MAPT: variants seen among roughly 807,000 people sequenced by gnomAD.
MAPT encodes the protein microtubule associated protein tau.
In MAPT, 34 loss-of-function variants were observed where a neutral mutation model predicts 67.9. The observed-to-expected ratio is 0.50, with a 90% CI of 0.38 to 0.67. The LOEUF (loss-of-function observed/expected upper bound fraction) is 0.67. Among genes scored for constraint, MAPT ranks in the 30% least tolerant of loss-of-function variants. The pLI is 0.00. For missense variants in MAPT, 881 were observed against 1,115.2 expected (o/e 0.79, Z 2.99); for synonymous variants, 456 against 464.5 (o/e 0.98, Z 0.23).
At chr17:45,963,667 G>A (rs2145330234) in intron 2 of MAPT, among the ~76,000 whole-genome samples, 1 of 152,298 alleles carries the variant, frequency 6.6e-6, no homozygotes, top group South Asian at 2.1e-4. Context: ...TATGGGTAGT[G>A]CATGGAAGCC....
At chr17:45,904,016 T>C (rs1490367141) in intron 1 of MAPT, among the ~76,000 whole-genome samples, 2 of 27,686 alleles carry the variant, frequency 7.2e-5, no homozygotes, top group Admixed American at 7.5e-4. Flanking sequence ...ATATATATTA[T>C]ATATTATATA....
At chr17:45,989,645 C>T (rs573313960) in intron 6 of MAPT, among the ~76,000 whole-genome samples, 142 of 152,062 alleles carry the variant, frequency 9.3e-4, no homozygotes, top group African/African-American at 3.2e-3. Context: ...AGCGAGACTC[C>T]GTCTCAAAAA....
intron 11 of MAPT, among the ~76,000 whole-genome samples, chr17:46,016,467 ACT>A (rs1424187280): frequency 6.6e-6 from 1 of 151,830 alleles, no homozygotes; most frequent in African/African-American, 2.4e-5. Context: ...CCCACCTCAC[ACT>A]GTGTAGAAAT....
intron 9 of MAPT, among the ~76,000 whole-genome samples, chr17:46,007,870 C>A (rs1231514112): frequency 1.3e-5 from 2 of 152,082 alleles, no homozygotes; most frequent in Non-Finnish European, 2.9e-5. Flanking sequence ...GGAAAAAGCT[C>A]CTTTCAGAAA....
intron 1 of MAPT, among the ~76,000 whole-genome samples, chr17:45,929,076 C>T (rs2144643345): frequency 6.7e-6 from 1 of 149,072 alleles, no homozygotes; most frequent in South Asian, 2.1e-4. Context: ...CCTTGTGCTT[C>T]ACATTTAAAA....
At chr17:46,021,002 G>C (rs2146187855) in intron 12 of MAPT, among the ~76,000 whole-genome samples, 1 of 152,340 alleles carries the variant, frequency 6.6e-6, no homozygotes, top group Non-Finnish European at 1.5e-5. Context: ...GCAGCTGAGA[G>C]ACCCCTGCCC....
chr17:45,990,352 A>G (rs1598300907), intron 7 of MAPT, among the ~76,000 whole-genome samples: 1 of 152,168 alleles, frequency 6.6e-6, no homozygotes, highest in South Asian at 2.1e-4. Context: ...GGTGGCTCAC[A>G]CCTGTAATCC....
intron 9 of MAPT, among the ~76,000 whole-genome samples, chr17:45,997,083 G>A (rs145759818): frequency 6.8e-4 from 104 of 152,328 alleles, no homozygotes; most frequent in African/African-American, 2.2e-3. Context: ...ATCTCCACTC[G>A]TGGGCCATCT....
chr17:45,940,865 T>G (rs1361488721), intron 1 of MAPT, among the ~76,000 whole-genome samples: 1 of 152,156 alleles, frequency 6.6e-6, no homozygotes, highest in Non-Finnish European at 1.5e-5. Flanking sequence ...CCACTTTAGG[T>G]GCTATCAAGG....
intron 9 of MAPT, chr17:45,999,815 C>T: frequency 2.9e-6 from 2 of 678,408 alleles, no homozygotes; most frequent in East Asian, 2.8e-5. Context: ...TGGCAGAGGA[C>T]ACAGTCACAG....
At position 45,942,888 on chromosome 17, in the gene MAPT, C is replaced by T. The variant is rs1360907369; in HGVS notation, c.-17-19433C>T. Among the ~76,000 whole-genome samples, 7 of 152,292 alleles carry T rather than the reference C, an allele frequency of 4.6e-5. No individual in the cohort carries two copies. The South Asian group carries it at 8.3e-4, about 18-fold the overall frequency. ...GAGGTTGAGTGACTTGCCCCAAAGT[C>T]GCACAGCTCCTAAGTGAAGGATTCG... On this transcript the variant is annotated intron_variant, in intron 1 of 12. Coordinates refer to ENST00000262410, the MANE Select transcript of MAPT (RefSeq NM_001377265.1).
rs923198772 is a variant in MAPT, at chr17:45,996,786, C to T, written c.1998+122C>T. On this transcript the variant is annotated intron_variant, in intron 9 of 12. Coordinates refer to ENST00000262410, the MANE Select transcript of MAPT (RefSeq NM_001377265.1). The surrounding 1 kb of genome is among the most constrained non-coding windows in gnomAD (Gnocchi z 4.5). ...TTGAGCGTGGAGTCGTGGGACTGTGCATGGAGGTGTGGGGCTCCCCGCACC... is the reference window on the plus strand; with the variant it reads ...TTGAGCGTGGAGTCGTGGGACTGTGTATGGAGGTGTGGGGCTCCCCGCACC... 1.2e-4 allele frequency: 160 copies of T among 1,381,846 alleles called. No homozygotes were observed. The highest frequency in any genetic ancestry group is 1.5e-4 in the Non-Finnish European group (153 of 1,022,274). 85.6% of individuals were successfully genotyped at this position (1,381,846 alleles called of 1,614,324 possible). A position where few individuals can be genotyped will look rare whatever the true frequency, so the allele number is the denominator to read the frequency against.
chr17:45,950,463 C>G (rs945876963), intron 1 of MAPT, among the ~76,000 whole-genome samples: 2 of 147,040 alleles, frequency 1.4e-5, no homozygotes, highest in Non-Finnish European at 1.6e-5. Flanking sequence ...CCTAGGGGTT[C>G]TTGGAGGCCC....
rs1598211473 is a variant in MAPT at position 45,971,452 on chromosome 17, G to T, written c.134-407G>T. On this transcript the variant is annotated intron_variant, in intron 2 of 12. Coordinates refer to ENST00000262410, the MANE Select transcript of MAPT (RefSeq NM_001377265.1). The surrounding 1 kb of genome is among the most constrained non-coding windows in gnomAD (Gnocchi z 4.3). Reference sequence around the variant, plus strand: ...TCCAAGGAAGGGGTTGGATCGCTGAGTGTTTTTCCAGGTGTCTACTTGTTG... The same window carrying T: ...TCCAAGGAAGGGGTTGGATCGCTGATTGTTTTTCCAGGTGTCTACTTGTTG... Among the ~76,000 whole-genome samples, 3 of 152,324 alleles carry T rather than the reference G, an allele frequency of 2.0e-5. No individual in the cohort carries two copies. In the South Asian group the frequency reaches 6.2e-4, roughly 32 times the overall value.
intron 1 of MAPT, among the ~76,000 whole-genome samples, chr17:45,942,656 G>A (rs1347899758): frequency 6.6e-6 from 1 of 152,210 alleles, no homozygotes; most frequent in African/African-American, 2.4e-5. Context: ...CCAGGATCCA[G>A]AATGGGGTGG....
At chr17:46,015,239 A>G (rs1280672766) in intron 11 of MAPT, among the ~76,000 whole-genome samples, 1 of 152,036 alleles carries the variant, frequency 6.6e-6, no homozygotes, top group Non-Finnish European at 1.5e-5. Context: ...GGGCGCCTGT[A>G]ATCCCAGCTA....
intron 1 of MAPT, among the ~76,000 whole-genome samples, chr17:45,941,134 G>C (rs1467932740): frequency 6.6e-6 from 1 of 152,220 alleles, no homozygotes; most frequent in African/African-American, 2.4e-5. Context: ...CTGCAGGCCA[G>C]CTGGGAGGCC....
At chr17:45,946,615 A>AAAAAAAAAAAAAATATATATATATAT in intron 1 of MAPT, among the ~76,000 whole-genome samples, 1 of 100,394 alleles carries the variant, frequency 1.0e-5, no homozygotes. Context: ...AAAAAAAAAA[A>AAAAAAAAAAAAAATATATATATATAT]ATATATATAT....
Position 46,027,673 on chromosome 17 carries a change from G to C in MAPT, c.*3502G>C, listed in dbSNP as rs2076872183. On this transcript the variant is annotated 3_prime_UTR_variant, in exon 13 of 13. Transcript: ENST00000262410. ...GCTAGAGGGAGGGAGCAGCCACGGA[G>C]TTAGAGGCCCTTGGGGTTTCTCTTT... The C allele has an allele frequency of 6.6e-6, 1 of 152,260 alleles. No homozygotes were observed. Among genetic ancestry groups the C allele is most frequent in the Non-Finnish European group, 1.5e-5 (1 of 68,102 alleles). 9.4% of individuals were successfully genotyped at this position (152,260 alleles called of 1,614,324 possible). A position where few individuals can be genotyped will look rare whatever the true frequency, so the allele number is the denominator to read the frequency against.
Sources: gnomAD v4.1 joint callset for allele counts (sites outside exome capture counted in the v4.1 genomes callset) on GRCh38, gnomAD v4.1.1 for gene constraint, Gnocchi (gnomAD v3.1) non-coding constraint, MANE v1.5 for transcripts, NCBI Gene and HGNC (gene_info 2026-07-23, HGNC 2026-07-21) for gene names.